Variants in DYNC1I1 observed in about 807,000 individuals in gnomAD.
The protein encoded by DYNC1I1 is cytoplasmic dynein 1 intermediate chain 1.
A neutral mutation model predicts 86.6 loss-of-function variants in DYNC1I1; 43 were observed. The ratio of observed to expected loss-of-function variants is 0.50; its 90% CI spans 0.39 to 0.64. DYNC1I1 has a LOEUF of 0.64. Among genes scored for constraint, DYNC1I1 ranks in the 30% least tolerant of loss-of-function variants. DYNC1I1 has a pLI of 0.00. For synonymous variants in DYNC1I1, 262 were observed against 283.7 expected, an observed-to-expected ratio of 0.92 and a Z score of 0.77; for missense variants, 604 against 788.8, an observed-to-expected ratio of 0.77 and a Z score of 2.81.
intron 5 of DYNC1I1, among the ~76,000 whole-genome samples, chr7:95,853,218 T>G (rs1184137267): frequency 6.6e-6 from 1 of 152,206 alleles, no homozygotes; most frequent in African/African-American, 2.4e-5. Context: ...TGTGACAGTA[T>G]TAAGAAGTGA....
At chr7:95,779,608 A>G (rs1235736697) in intron 1 of DYNC1I1, among the ~76,000 whole-genome samples, 1 of 152,166 alleles carries the variant, frequency 6.6e-6, no homozygotes, top group Non-Finnish European at 1.5e-5. Flanking sequence ...GAATTTACTC[A>G]TTGACGTTCG....
At chr7:96,055,581 T>C (rs767668273) in intron 14 of DYNC1I1, among the ~76,000 whole-genome samples, 5 of 152,062 alleles carry the variant, frequency 3.3e-5, no homozygotes, top group Admixed American at 6.6e-5. Context: ...ACTCATTCCA[T>C]ATTGTGTGTA....
rs542908579 is a variant in DYNC1I1 at position 95,877,164 on chromosome 7, T to C, written c.490+7166T>C. ...GTATCTTCCTGGAAGAGGCAAGACA[T>C]TAGCATTTCTCATACTGCCCCAGCT... On this transcript the variant is annotated intron_variant, in intron 6 of 16. Transcript: ENST00000447467. Among the ~76,000 whole-genome samples, 79 of 152,234 alleles carry C rather than the reference T, an allele frequency of 5.2e-4. 1 individual carries two copies. Among genetic ancestry groups the C allele is most frequent in the African/African-American group, 1.8e-3 (76 of 41,570 alleles).
chr7:95,831,618 T>A (rs1292220829), intron 5 of DYNC1I1, among the ~76,000 whole-genome samples: 1 of 152,148 alleles, frequency 6.6e-6, no homozygotes, highest in Non-Finnish European at 1.5e-5. Context: ...CAATTTACAA[T>A]CTTACCAACA....
At chr7:96,001,386 A>G (rs1794008210) in intron 10 of DYNC1I1, among the ~76,000 whole-genome samples, 1 of 152,180 alleles carries the variant, frequency 6.6e-6, no homozygotes, top group South Asian at 2.1e-4. Context: ...GATGGATGGG[A>G]TTCTAACTAC....
At chr7:95,804,580 A>T (rs1794659946) in intron 1 of DYNC1I1, 141 bp from the exon 2 acceptor site, 9 of 1,031,054 alleles carry the variant, frequency 8.7e-6, no homozygotes, top group African/African-American at 1.6e-5. Context: ...TGATTCTTTC[A>T]CATAGGCTAA....
At chr7:95,991,474 T>C (rs797011479) in intron 9 of DYNC1I1, among the ~76,000 whole-genome samples, 4 of 152,302 alleles carry the variant, frequency 2.6e-5, no homozygotes, top group African/African-American at 9.6e-5. Flanking sequence ...ATATTAGGAA[T>C]CTGGGCAGCC....
At chr7:95,990,227 G>A (rs1041797896) in intron 9 of DYNC1I1, among the ~76,000 whole-genome samples, 1 of 151,628 alleles carries the variant, frequency 6.6e-6, no homozygotes, top group African/African-American at 2.4e-5. Context: ...AACACAGTCA[G>A]TCAATAATAC....
At chr7:96,033,012 G>A (rs1052275471) in intron 12 of DYNC1I1, among the ~76,000 whole-genome samples, 3 of 152,222 alleles carry the variant, frequency 2.0e-5, no homozygotes, top group Non-Finnish European at 4.4e-5. Context: ...TCAGTTTCAA[G>A]TGAAAATGAA....
In DYNC1I1 at chr7:95,839,258, T is replaced by A. The variant is rs150284417; in HGVS notation, c.374+11142T>A. ...GTTGGCCGGGCTAGTCTCAAACTCC[T>A]GACCTCGGGTGATCCACCCACCTCA... On this transcript the variant is annotated intron_variant, in intron 5 of 16. Transcript: ENST00000447467. 9.8e-5 allele frequency among the ~76,000 whole-genome samples: 15 copies of A among 152,302 alleles called. 1 individual carries two copies. In the East Asian group the frequency reaches 2.9e-3, roughly 29 times the overall value.
intron 1 of DYNC1I1, among the ~76,000 whole-genome samples, chr7:95,779,926 T>C (rs540721999): frequency 6.6e-6 from 1 of 152,244 alleles, no homozygotes; most frequent in South Asian, 2.1e-4. Context: ...TGCAGAGCAT[T>C]TCTGCTGGGG....
intron 15 of DYNC1I1, among the ~76,000 whole-genome samples, chr7:96,078,645 A>AT (rs762067592): frequency 1.3e-5 from 2 of 152,124 alleles, no homozygotes; most frequent in Admixed American, 6.5e-5. Flanking sequence ...ATTTTCAGTG[A>AT]TTTTTTTGTT....
At chr7:96,051,500 A>T (rs185050824) in intron 14 of DYNC1I1, among the ~76,000 whole-genome samples, 51 of 152,208 alleles carry the variant, frequency 3.4e-4, no homozygotes, top group Non-Finnish European at 5.7e-4. Flanking sequence ...CGTGATACAC[A>T]TTTGATTGAT....
intron 6 of DYNC1I1, among the ~76,000 whole-genome samples, chr7:95,965,444 T>C (rs1267370728): frequency 6.6e-6 from 1 of 152,212 alleles, no homozygotes; most frequent in East Asian, 1.9e-4. Flanking sequence ...GCAACGTATA[T>C]AACCTCTTTG....
At chr7:96,087,768 T>G (rs1250671838) in intron 16 of DYNC1I1, among the ~76,000 whole-genome samples, 4 of 152,216 alleles carry the variant, frequency 2.6e-5, no homozygotes, top group African/African-American at 9.6e-5. Context: ...ACTTGAATTT[T>G]TAGTGTTACA....
chr7:95,845,361 A>G (rs1219315932), intron 5 of DYNC1I1, among the ~76,000 whole-genome samples: 10 of 152,220 alleles, frequency 6.6e-5, no homozygotes. Context: ...TCTAACTAGG[A>G]AAGTTCTAGA....
At position 95,807,650 on chromosome 7, in the gene DYNC1I1, A is replaced by G. The variant is rs1365181177; in HGVS notation, c.109-2742A>G. Among the ~76,000 whole-genome samples, 4 of 151,944 alleles carry G rather than the reference A, an allele frequency of 2.6e-5. No homozygotes were observed. In the South Asian group the frequency reaches 8.3e-4, roughly 32 times the overall value. On this transcript the variant is annotated intron_variant, in intron 2 of 16. Transcript: ENST00000447467. Reference sequence around the variant, plus strand: ...TTTCACTGATCTCCTACTTCTTCCTATCATCCTTTGCCTGGCTGTTAACTT... The same window carrying G: ...TTTCACTGATCTCCTACTTCTTCCTGTCATCCTTTGCCTGGCTGTTAACTT...
At chr7:96,048,606 C>T (rs951182654) in intron 14 of DYNC1I1, among the ~76,000 whole-genome samples, 1 of 152,154 alleles carries the variant, frequency 6.6e-6, no homozygotes, top group African/African-American at 2.4e-5. Flanking sequence ...CCTAAACCAC[C>T]GTAAAGTTCT....
At chr7:95,793,085 G>T (rs1018557628) in intron 1 of DYNC1I1, among the ~76,000 whole-genome samples, 1 of 152,064 alleles carries the variant, frequency 6.6e-6, no homozygotes. Context: ...GTGATAGAAA[G>T]CTCACCCTGA....
Sources: gnomAD v4.1 joint callset for allele counts (sites outside exome capture counted in the v4.1 genomes callset) on GRCh38, gnomAD v4.1.1 for gene constraint, MANE v1.5 for transcripts, NCBI Gene and HGNC (gene_info 2026-07-23, HGNC 2026-07-21) for gene names.